Variants in CEP120 observed in about 807,000 individuals in gnomAD.
CEP120 encodes the protein centrosomal protein of 120 kDa.
Under a neutral mutation model 126.5 loss-of-function variants are expected in CEP120, and 113 were observed. That is an observed-to-expected ratio of 0.89 (90% CI 0.77 to 1.04). The LOEUF (loss-of-function observed/expected upper bound fraction) is 1.04, where lower values mean the gene tolerates loss of function less well. CEP120 is among the 50% of genes least tolerant of loss of function. CEP120 has a pLI of 0.00. For missense variants in CEP120, 1,230 were observed against 1,155.7 expected (o/e 1.06, Z -0.93); for synonymous variants, 400 against 394.3 (o/e 1.01, Z -0.17).
At chr5:123,405,332 C>T (rs1773571058) in intron 4 of CEP120, among the ~76,000 whole-genome samples, 1 of 152,210 alleles carries the variant, frequency 6.6e-6, no homozygotes, top group African/African-American at 2.4e-5. Context: ...CTCCAGGGAG[C>T]TCTACCAGGT....
intron 2 of CEP120, among the ~76,000 whole-genome samples, 161 bp downstream of exon 2, chr5:123,418,198 T>G (rs570734898): frequency 6.9e-6 from 1 of 145,564 alleles, no homozygotes; most frequent in South Asian, 2.3e-4. Context: ...ATTTCATGTT[T>G]AGACTTGGGT....
chr5:123,385,583 A>G lies in CEP120; in HGVS notation c.1581-450T>C, dbSNP rs962676424. On this transcript the variant is annotated intron_variant, in intron 10 of 19. Coordinates refer to ENST00000306467, the MANE Select transcript of CEP120 (RefSeq NM_001375405.1). ...AGAATTATCTAATAATGCACTTCTC[A>G]TAATGTATCCCTATCTTTAATTCAC... is the stretch of plus-strand genomic sequence containing the variant. Among the ~76,000 whole-genome samples, 14 of 151,580 alleles carry G rather than the reference A, an allele frequency of 9.2e-5. No individual in the cohort carries two copies. In the East Asian group the frequency reaches 2.7e-3, roughly 29 times the overall value.
intron 1 of CEP120, 124 bp downstream of exon 1, chr5:123,422,826 A>C: frequency 1.1e-6 from 1 of 928,602 alleles, no homozygotes; most frequent in Non-Finnish European, 1.7e-6. Context: ...AACTTTGAAC[A>C]AGTCTGTGGG....
chr5:123,349,860 C>CTACTT (rs1769085506), intron 19 of CEP120, 84 bp downstream of exon 19: 1 of 1,037,274 alleles, frequency 9.6e-7, no homozygotes, highest in Non-Finnish European at 1.4e-6. Flanking sequence ...TATATATGAT[C>CTACTT]TACTTTATCC....
At chr5:123,365,530 T>C (rs1449835504) in intron 17 of CEP120, among the ~76,000 whole-genome samples, 1 of 151,776 alleles carries the variant, frequency 6.6e-6, no homozygotes, top group Admixed American at 6.6e-5. Flanking sequence ...GATGGTCAAA[T>C]TCCCTTCACA....
rs117222573 is a variant in CEP120 at position 123,349,662 on chromosome 5, A to G, written c.2726+282T>C. On this transcript the variant is annotated intron_variant, in intron 19 of 19. Transcript: ENST00000306467. Reference sequence around the variant, plus strand: ...TTTTCTTTCTTTTTAGATTTGACACAAGGTCTCACTCTGTCACTCAGGCTG... The same window carrying G: ...TTTTCTTTCTTTTTAGATTTGACACGAGGTCTCACTCTGTCACTCAGGCTG... Among the ~76,000 whole-genome samples, 171 of 152,204 alleles carry G rather than the reference A, an allele frequency of 1.1e-3. 4 individuals are homozygous for G. The East Asian group carries it at 0.028, about 25-fold the overall frequency.
chr5:123,395,163 G>A (rs35002761), intron 5 of CEP120, among the ~76,000 whole-genome samples: 66,933 of 151,986 alleles, frequency 0.44, 14,688 homozygotes, highest in East Asian at 0.48. Flanking sequence ...ATTTAATTCT[G>A]AATTATTCCC....
In CEP120 at chr5:123,346,563, G is replaced by T. The variant is rs201560025; in HGVS notation, c.2917C>A (p.Arg973=). The T allele has an allele frequency of 6.2e-7, 1 of 1,613,230 alleles. No individual in the cohort carries two copies. The highest frequency in any genetic ancestry group is 1.7e-5 in the Admixed American group (1 of 59,758). ...HEDRIISELD[R]QIREILAKSN... Reference sequence around the variant, plus strand: ...TTTGCCAAAATCTCTCTGATCTGTCGGTCGAGTTCACTTATTATTCGATCC... The same window carrying T: ...TTTGCCAAAATCTCTCTGATCTGTCTGTCGAGTTCACTTATTATTCGATCC... Residue 973 remains arginine, a synonymous_variant, in exon 20 of 20, where the codon CGA becomes AGA. Coordinates refer to ENST00000306467, the MANE Select transcript of CEP120 (RefSeq NM_001375405.1).
Position 123,421,788 on chromosome 5 carries a change from T to C in CEP120, c.49+1162A>G, listed in dbSNP as rs530221645. ...AACTGTTGTTAACCAAATTTTAAGG[T>C]TATTTCAGTCCTATGTTTTTAAACA... is the stretch of plus-strand genomic sequence containing the variant. On this transcript the variant is annotated intron_variant, in intron 1 of 19. Coordinates refer to ENST00000306467, the MANE Select transcript of CEP120 (RefSeq NM_001375405.1). Among the ~76,000 whole-genome samples, 3 of 152,302 alleles carry C rather than the reference T, an allele frequency of 2.0e-5. No individual in the cohort carries two copies. In the East Asian group the frequency reaches 5.8e-4, roughly 29 times the overall value.
Position 123,345,130 on chromosome 5 carries a change from C to CAAAAATCA in CEP120, c.*1381_*1388dup, listed in dbSNP as rs1470508766. 6.6e-6 allele frequency: 1 copy of CAAAAATCA among 152,052 alleles called. No homozygotes were observed. Among genetic ancestry groups the CAAAAATCA allele is most frequent in the African/African-American group, 2.4e-5 (1 of 41,394 alleles). The allele number at this position is 152,052 out of a possible 1,614,324, so 9.4% of individuals were successfully genotyped here. A position where few individuals can be genotyped will look rare whatever the true frequency, so the allele number is the denominator to read the frequency against. On this transcript the variant is annotated 3_prime_UTR_variant, in exon 20 of 20. Transcript: ENST00000306467. ...TTGCTTCTGTTCCATTCAAGTGGCA[C>CAAAAATCA]AAAAATCAATGAGAGAAAAATAGCT...
chr5:123,403,777 A>G (rs1211682983), intron 4 of CEP120: 1 of 386,414 alleles, frequency 2.6e-6, no homozygotes, highest in Admixed American at 3.5e-5. Flanking sequence ...AAAATCAGAC[A>G]AACTCAAGTC....
At chr5:123,397,573 G>A (rs1426209507) in intron 5 of CEP120, among the ~76,000 whole-genome samples, 3 of 152,176 alleles carry the variant, frequency 2.0e-5, no homozygotes, top group Non-Finnish European at 4.4e-5. Flanking sequence ...GTATGTATCA[G>A]TGAGGAAATT....
chr5:123,356,916 A>C (rs1378085979), intron 18 of CEP120, among the ~76,000 whole-genome samples: 2 of 151,848 alleles, frequency 1.3e-5, no homozygotes, highest in African/African-American at 4.8e-5. Context: ...TGCATTTCAA[A>C]GCTTTCATTT....
At position 123,399,247 on chromosome 5, in the gene CEP120, A is replaced by C. The variant is rs1055807938; in HGVS notation, c.501T>G (p.Ile167Met). 1.2e-6 allele frequency: 2 copies of C among 1,614,036 alleles called. No homozygotes were observed. Among genetic ancestry groups the C allele is most frequent in the Admixed American group, 3.3e-5 (2 of 60,004 alleles). The change falls in exon 5 of 20, where the codon ATT becomes ATG. Residue 167 changes from isoleucine to methionine, a missense_variant. Physicochemically the swap from Ile to Met is conservative, Grantham distance 10. Transcript: ENST00000306467. ...CTCCCTCTTCATTCAGCACAGCCAC[A>C]ATGTCCCTGGGGTCAAGTCCAGCCA... ...AILAGLDPRD[I>M]VAVLNEEGGY...
chr5:123,401,843 G>A (rs1773264198), intron 4 of CEP120: 4 of 1,515,480 alleles, frequency 2.6e-6, no homozygotes, highest in South Asian at 1.1e-5. Flanking sequence ...GCCCCTACAT[G>A]TTGCCAAGCT....
chr5:123,346,549 C>A lies in CEP120; in HGVS notation c.2931G>T (p.Glu977Asp). The A allele has an allele frequency of 6.2e-7, 1 of 1,612,206 alleles. No homozygotes were observed. The highest frequency in any genetic ancestry group is 8.5e-7 in the Non-Finnish European group (1 of 1,179,464). Reference protein sequence around the residue: ...IISELDRQIREILAKSNASN With the variant: ...IISELDRQIRDILAKSNASN ...TACTGGCATTGCTTTTTGCCAAAATCTCTCTGATCTGTCGGTCGAGTTCAC... is the reference window on the plus strand; with the variant it reads ...TACTGGCATTGCTTTTTGCCAAAATATCTCTGATCTGTCGGTCGAGTTCAC... The change falls in exon 20 of 20, where the codon GAG (glutamate) becomes GAT (aspartate). Residue 977 changes from glutamate (E) to aspartate (D), a missense_variant. Physicochemically the swap from Glu to Asp is conservative, Grantham distance 45 (BLOSUM62 2). Coordinates refer to ENST00000306467, the MANE Select transcript of CEP120 (RefSeq NM_001375405.1).
In CEP120 at chr5:123,388,450, G is replaced by A. The variant is rs747744221; in HGVS notation, c.1412C>T (p.Pro471Leu). ...ATCACACCTTAATATACAGTTGATT[G>A]GAAAACCAATCTCCAAGGCATGTAT... ...RSIHALEIGF[P>L]INCILRYSYP... The change falls in exon 9 of 20, where the codon CCA becomes CTA. Residue 471 changes from proline (P) to leucine (L), a missense_variant. Pro to Leu is a moderately conservative substitution (Grantham distance 98). Coordinates refer to ENST00000306467, the MANE Select transcript of CEP120 (RefSeq NM_001375405.1). The A allele has an allele frequency of 6.4e-7, 1 of 1,554,084 alleles. No homozygotes were observed. Among genetic ancestry groups the A allele is most frequent in the Non-Finnish European group, 8.7e-7 (1 of 1,153,374 alleles).
intron 19 of CEP120, among the ~76,000 whole-genome samples, chr5:123,348,083 C>G (rs1768960499): frequency 6.6e-6 from 1 of 152,132 alleles, no homozygotes; most frequent in Non-Finnish European, 1.5e-5. Context: ...CTTCGGTAGC[C>G]AAATCACACC....
At chr5:123,358,357 G>A (rs907629668) in intron 18 of CEP120, 2 of 152,002 alleles carry the variant, frequency 1.3e-5, no homozygotes, top group African/African-American at 4.8e-5. Flanking sequence ...AAGAGTAGAA[G>A]AACCTTCTTT....
Sources: gnomAD v4.1 joint callset for allele counts (sites outside exome capture counted in the v4.1 genomes callset) on GRCh38, gnomAD v4.1.1 for gene constraint, MANE v1.5 for transcripts, NCBI Gene and HGNC (gene_info 2026-07-23, HGNC 2026-07-21) for gene names.